Variants in MND1 observed in about 807,000 individuals in gnomAD.
The protein encoded by MND1 is meiotic nuclear division protein 1 homolog.
A neutral mutation model predicts 35.1 loss-of-function variants in MND1; 28 were observed. The observed-to-expected ratio is 0.80, with a 90% CI of 0.59 to 1.09. The LOEUF (loss-of-function observed/expected upper bound fraction) is 1.09, where lower values mean the gene tolerates loss of function less well. Ranked by LOEUF, MND1 falls within the 50% of genes least tolerant of loss-of-function variation. The probability of loss-of-function intolerance (pLI) is 0.00; values close to 1 mark genes in which losing one functional copy is unlikely to be tolerated. For missense variants in MND1, 213 were observed against 239.6 expected (o/e 0.89, Z 0.73); for synonymous variants, 69 against 70.5 (o/e 0.98, Z 0.11).
At position 153,397,308 on chromosome 4, in the gene MND1, T is replaced by G. The variant is rs34155513; in HGVS notation, c.441T>G (p.Cys147Trp). ...CAGAAGTAGAAAAATACAAAGACTG[T>G]GATCCGCAAGTTGTGGAAGAAATAC... The part of the protein sequence containing the change: ...LKAEVEKYKD[C>W]DPQVVEEIRQ... Residue 147 changes from cysteine to tryptophan, a missense_variant, in exon 6 of 8, where the codon TGT becomes TGG. Coordinates refer to ENST00000240488, the MANE Select transcript of MND1 (RefSeq NM_032117.4). 8.9e-4 allele frequency: 1,440 copies of G among 1,612,174 alleles called. 23 individuals carry two copies. In the South Asian group the frequency reaches 0.012, roughly 13 times the overall value.
chr4:153,371,777 G>A (rs2149640874), intron 4 of MND1, among the ~76,000 whole-genome samples: 1 of 152,090 alleles, frequency 6.6e-6, no homozygotes, highest in African/African-American at 2.4e-5. Context: ...TTTCTTTCAG[G>A]AACTTTTCCC....
chr4:153,386,194 T>TCAAA (rs1728857884), intron 4 of MND1, among the ~76,000 whole-genome samples: 1 of 151,882 alleles, frequency 6.6e-6, no homozygotes, highest in African/African-American at 2.4e-5. Flanking sequence ...TGTTTTTGTT[T>TCAAA]TTTTTTAATG....
chr4:153,357,653 A>G (rs1290959870), intron 3 of MND1, among the ~76,000 whole-genome samples: 1 of 152,230 alleles, frequency 6.6e-6, no homozygotes, highest in Non-Finnish European at 1.5e-5. Context: ...TCAAGGGTCA[A>G]CTATACAATA....
At chr4:153,344,963 C>T (rs915084850) in intron 1 of MND1, among the ~76,000 whole-genome samples, 2 of 152,156 alleles carry the variant, frequency 1.3e-5, no homozygotes, top group African/African-American at 4.8e-5. Flanking sequence ...AGTCCCGAGG[C>T]GCGGGGGCAT....
At chr4:153,397,743 C>G (rs1729238651) in intron 6 of MND1, among the ~76,000 whole-genome samples, 1 of 151,968 alleles carries the variant, frequency 6.6e-6, no homozygotes, top group Non-Finnish European at 1.5e-5. Context: ...TCCCTCAAGC[C>G]CAGGAGGTTG....
At chr4:153,409,141 C>A in intron 7 of MND1, 126 bp downstream of exon 7, 2 of 359,896 alleles carry the variant, frequency 5.6e-6, no homozygotes, top group East Asian at 6.3e-5. Flanking sequence ...GTATGCATTA[C>A]TCAAATGTTT....
At chr4:153,355,603 T>G in intron 2 of MND1, 51 bp from the exon 3 acceptor site, 1 of 1,169,850 alleles carries the variant, frequency 8.5e-7, no homozygotes, top group Non-Finnish European at 1.3e-6. Context: ...AAAATATACA[T>G]AGTAGAAAAT....
intron 4 of MND1, among the ~76,000 whole-genome samples, chr4:153,386,852 G>A (rs940293286): frequency 2.6e-5 from 4 of 152,142 alleles, no homozygotes; most frequent in African/African-American, 9.7e-5. Flanking sequence ...TATCCATATT[G>A]ATCTATATCT....
At chr4:153,381,822 G>C (rs75092911) in intron 4 of MND1, 3 of 143,938 alleles carry the variant, frequency 2.1e-5, no homozygotes, top group Non-Finnish European at 4.5e-5. Context: ...TACCTGTTCC[G>C]TTTCCTACCA....
At chr4:153,391,192 A>G (rs999869078) in intron 4 of MND1, among the ~76,000 whole-genome samples, 50 of 151,976 alleles carry the variant, frequency 3.3e-4, no homozygotes, top group African/African-American at 1.1e-3. Context: ...GAGATAGAGT[A>G]TCACCCTGTT....
At chr4:153,412,608 G>A (rs1306952343) in intron 7 of MND1, among the ~76,000 whole-genome samples, 2 of 150,622 alleles carry the variant, frequency 1.3e-5, no homozygotes, top group Admixed American at 1.3e-4. Flanking sequence ...TCAGCCTTCC[G>A]AGTAGCTGGG....
intron 4 of MND1, among the ~76,000 whole-genome samples, chr4:153,391,838 G>T (rs773010302): frequency 1.3e-3 from 197 of 151,760 alleles, no homozygotes; most frequent in Non-Finnish European, 2.4e-3. Context: ...GGTTTGTGGT[G>T]GTGTCTGCCT....
At chr4:153,358,700 A>C (rs1561057353) in intron 4 of MND1, 78 bp downstream of exon 4, 1 of 1,423,176 alleles carries the variant, frequency 7.0e-7, no homozygotes, top group Admixed American at 2.5e-5. Flanking sequence ...TTTGTTTAGC[A>C]GTTTCTTTTG....
At chr4:153,406,247 C>T (rs189509190) in intron 6 of MND1, among the ~76,000 whole-genome samples, 13 of 151,838 alleles carry the variant, frequency 8.6e-5, no homozygotes, top group Admixed American at 2.0e-4. Context: ...AGAGGCTGGG[C>T]GCGGTGTCTC....
In MND1 at chr4:153,356,064, C is replaced by T. The variant is rs529802468; in HGVS notation, c.127+353C>T. On this transcript the variant is annotated intron_variant, in intron 3 of 7. Transcript: ENST00000240488. Reference sequence around the variant, plus strand: ...ACACACACTTGTAGTCCCAGCCACTCTGGAGGCTGAAGCGGGAGGATCACT... The same window carrying T: ...ACACACACTTGTAGTCCCAGCCACTTTGGAGGCTGAAGCGGGAGGATCACT... Among the ~76,000 whole-genome samples the T allele has an allele frequency of 5.2e-4, 79 of 152,304 alleles. No homozygotes were observed. In the South Asian group the frequency reaches 7.7e-3, roughly 15 times the overall value.
Position 153,384,258 on chromosome 4 carries a change from C to CTTT in MND1, c.277-9979_277-9977dup, listed in dbSNP as rs35214226. On this transcript the variant is annotated intron_variant, in intron 4 of 7. Coordinates refer to ENST00000240488, the MANE Select transcript of MND1 (RefSeq NM_032117.4). ...TCCATATTTCCATTTCTACTTTCTGCTTTTTTTTTTTTTTTTTTTTTTTTT... is the reference window on the plus strand; with the variant it reads ...TCCATATTTCCATTTCTACTTTCTGCTTTTTTTTTTTTTTTTTTTTTTTTTTTT... 2.3e-4 allele frequency among the ~76,000 whole-genome samples: 13 copies of CTTT among 55,370 alleles called. 3 individuals are homozygous for CTTT. In the East Asian group the frequency reaches 4.2e-3, roughly 18 times the overall value. 36.3% of individuals were successfully genotyped at this position (55,370 alleles called of 152,430 possible).
chr4:153,357,638 A>G (rs1773380072), intron 3 of MND1, among the ~76,000 whole-genome samples: 1 of 152,210 alleles, frequency 6.6e-6, no homozygotes, highest in Non-Finnish European at 1.5e-5. Context: ...TCAAACCTGT[A>G]CTGTTCAAGG....
rs776657588 is a variant in MND1 at position 153,344,782 on chromosome 4, G to C, written c.3+42G>C. On this transcript the variant is annotated intron_variant, in intron 1 of 7. Transcript: ENST00000240488. ...CGGTCCCGCGTCTTCTTCCTCCCTAGTGTGTGGGCTTCGCCGCCCCTCGGC... is the reference window on the plus strand; with the variant it reads ...CGGTCCCGCGTCTTCTTCCTCCCTACTGTGTGGGCTTCGCCGCCCCTCGGC... The C allele has an allele frequency of 3.1e-6, 5 of 1,595,568 alleles. No individual in the cohort carries two copies. The South Asian group carries it at 3.4e-5, about 11-fold the overall frequency.
At chr4:153,367,976 T>C (rs1357161656) in intron 4 of MND1, among the ~76,000 whole-genome samples, 1 of 152,250 alleles carries the variant, frequency 6.6e-6, no homozygotes, top group African/African-American at 2.4e-5. Context: ...CATTTGTATA[T>C]CTTCCTTGAA....
Sources: allele counts gnomAD v4.1 joint callset (sites outside exome capture counted in the v4.1 genomes callset), GRCh38; gene constraint gnomAD v4.1.1; transcripts MANE v1.5; gene names NCBI Gene and HGNC (gene_info 2026-07-23, HGNC 2026-07-21).